The following PTPRD variants were observed in gnomAD, a reference collection of about 807,000 sequenced individuals.
The protein encoded by PTPRD is protein tyrosine phosphatase receptor type D.
PTPRD carries 34 observed loss-of-function variants against 214.5 expected under a neutral mutation model. The ratio of observed to expected loss-of-function variants is 0.16; its 90% CI spans 0.12 to 0.21. PTPRD has a LOEUF of 0.21. Among genes scored for constraint, PTPRD ranks in the 10% least tolerant of loss-of-function variants. PTPRD has a pLI of 1.00. For synonymous variants in PTPRD, 1,128 were observed against 845.7 expected, an observed-to-expected ratio of 1.33 and a Z score of -5.79; for missense variants, 2,545 against 2,398.7, an observed-to-expected ratio of 1.06 and a Z score of -1.27.
intron 3 of PTPRD, among the ~76,000 whole-genome samples, chr9:10,268,634 C>G (rs2094238595): frequency 6.6e-6 from 1 of 152,106 alleles, no homozygotes; most frequent in Non-Finnish European, 1.5e-5. Flanking sequence ...TTGCTGAGTT[C>G]CATTTGTACA....
chr9:8,616,923 A>C (rs1468613723), intron 14 of PTPRD, among the ~76,000 whole-genome samples: 1 of 152,152 alleles, frequency 6.6e-6, no homozygotes, highest in Non-Finnish European at 1.5e-5. Context: ...GGCACAGAAC[A>C]CACTGATTTC....
chr9:9,401,689 G>C (rs2070599288), intron 8 of PTPRD, among the ~76,000 whole-genome samples: 1 of 151,506 alleles, frequency 6.6e-6, no homozygotes, highest in Non-Finnish European at 1.5e-5. Context: ...ATCGCATCTT[G>C]AATTGTAGTG....
chr9:10,226,401 G>C (rs942058743), intron 3 of PTPRD, among the ~76,000 whole-genome samples: 1 of 151,968 alleles, frequency 6.6e-6, no homozygotes, highest in African/African-American at 2.4e-5. Flanking sequence ...GGTGGAGGGT[G>C]ACAACAGCCA....
chr9:8,493,029 T>C (rs368864601), intron 26 of PTPRD, 50 bp from the exon 27 acceptor site: 9 of 1,478,208 alleles, frequency 6.1e-6, no homozygotes, highest in Non-Finnish European at 8.5e-6. Flanking sequence ...CTACTAATGC[T>C]CTGGGGGAAA....
At chr9:8,367,932 A>T (rs1333292512) in intron 39 of PTPRD, among the ~76,000 whole-genome samples, 1 of 152,212 alleles carries the variant, frequency 6.6e-6, no homozygotes, top group African/African-American at 2.4e-5. Context: ...ACTGATCAGG[A>T]AATTGAGTCT....
At chr9:8,681,782 T>G (rs545896674) in intron 12 of PTPRD, among the ~76,000 whole-genome samples, 1 of 152,226 alleles carries the variant, frequency 6.6e-6, no homozygotes, top group Non-Finnish European at 1.5e-5. Context: ...CTGTCATTAT[T>G]GTTTCTAGCA....
At chr9:10,222,393 C>T (rs577150180) in intron 3 of PTPRD, among the ~76,000 whole-genome samples, 1 of 151,986 alleles carries the variant, frequency 6.6e-6, no homozygotes, top group Admixed American at 6.6e-5. Flanking sequence ...ACAAATAAAA[C>T]AATACTTTGG....
intron 11 of PTPRD, among the ~76,000 whole-genome samples, chr9:8,798,856 G>A (rs1368966722): frequency 6.6e-6 from 1 of 152,124 alleles, no homozygotes; most frequent in Non-Finnish European, 1.5e-5. Flanking sequence ...ATAAGTCAGA[G>A]TATCTAGGTC....
intron 5 of PTPRD, among the ~76,000 whole-genome samples, chr9:9,880,477 T>C (rs2068313523): frequency 6.6e-6 from 1 of 152,216 alleles, no homozygotes; most frequent in Non-Finnish European, 1.5e-5. Context: ...CTGTGTATAA[T>C]TCTAAACAGT....
chr9:9,172,131 TTA>T (rs2099921858), intron 10 of PTPRD, among the ~76,000 whole-genome samples: 1 of 152,202 alleles, frequency 6.6e-6, no homozygotes. Flanking sequence ...AGTGAGCTAG[TTA>T]TAATCTTAGC....
intron 7 of PTPRD, among the ~76,000 whole-genome samples, chr9:9,654,971 C>A (rs1041179892): frequency 2.6e-5 from 4 of 151,200 alleles, no homozygotes; most frequent in Non-Finnish European, 4.4e-5. Context: ...CACATTTACA[C>A]AAATATTTTT....
chr9:10,111,878 T>C (rs139260641), intron 3 of PTPRD, among the ~76,000 whole-genome samples: 3 of 152,324 alleles, frequency 2.0e-5, no homozygotes, highest in South Asian at 2.1e-4. Flanking sequence ...TTTGGAAAGA[T>C]TGCATACATA....
At chr9:10,284,931 A>C (rs1596146157) in intron 3 of PTPRD, among the ~76,000 whole-genome samples, 1 of 152,210 alleles carries the variant, frequency 6.6e-6, no homozygotes, top group African/African-American at 2.4e-5. Flanking sequence ...CACATAGTCT[A>C]TAACATAATC....
At chr9:9,652,568 G>A (rs779489811) in intron 7 of PTPRD, among the ~76,000 whole-genome samples, 145 of 151,578 alleles carry the variant, frequency 9.6e-4, no homozygotes, top group Non-Finnish European at 1.8e-3. Flanking sequence ...ACAAATTCAA[G>A]GTCTTTTACT....
intron 2 of PTPRD, among the ~76,000 whole-genome samples, chr9:10,608,470 T>A (rs549416986): frequency 6.6e-6 from 1 of 152,190 alleles, no homozygotes; most frequent in South Asian, 2.1e-4. Flanking sequence ...TGACCTGACT[T>A]CAGGACAATT....
chr9:9,245,114 A>G (rs575934333), intron 9 of PTPRD, among the ~76,000 whole-genome samples: 38 of 152,276 alleles, frequency 2.5e-4, no homozygotes, highest in Middle Eastern at 3.4e-3. Context: ...TTAGAATGGC[A>G]ATCATTAAAA....
intron 3 of PTPRD, among the ~76,000 whole-genome samples, chr9:10,294,169 C>A (rs186011384): frequency 6.6e-6 from 1 of 151,930 alleles, no homozygotes; most frequent in Admixed American, 6.6e-5. Flanking sequence ...AAACACTGCC[C>A]AAAAACCTTT....
At chr9:10,307,139 C>A (rs986662936) in intron 3 of PTPRD, among the ~76,000 whole-genome samples, 1 of 151,944 alleles carries the variant, frequency 6.6e-6, no homozygotes, top group African/African-American at 2.4e-5. Flanking sequence ...TATAGTTACC[C>A]TACTTTATTA....
intron 10 of PTPRD, among the ~76,000 whole-genome samples, chr9:9,066,731 T>C (rs2099735085): frequency 1.3e-5 from 2 of 152,162 alleles, no homozygotes; most frequent in African/African-American, 2.4e-5. Flanking sequence ...ATTGAAATGA[T>C]ACAGCCATAA....
Sources: allele counts gnomAD v4.1 joint callset (sites outside exome capture counted in the v4.1 genomes callset), GRCh38; gene constraint gnomAD v4.1.1; transcripts MANE v1.5; gene names NCBI Gene and HGNC (gene_info 2026-07-23, HGNC 2026-07-21).